The following ALMS1 variants were observed in gnomAD, a reference collection of about 807,000 sequenced individuals.
ALMS1 encodes the protein ALMS1 centrosome and basal body associated protein.
A neutral mutation model predicts 352.2 loss-of-function variants in ALMS1; 271 were observed. The observed-to-expected ratio is 0.77, with a 90% CI of 0.70 to 0.85. The LOEUF is 0.85. Among genes scored for constraint, ALMS1 ranks in the 40% least tolerant of loss-of-function variants. ALMS1 has a pLI of 0.00. For missense variants in ALMS1, 5,445 were observed against 4,870.7 expected (o/e 1.12, Z -3.51); for synonymous variants, 1,865 against 1,761.2 (o/e 1.06, Z -1.48).
chr2:73,410,893 A>C (rs988003360), intron 2 of ALMS1, among the ~76,000 whole-genome samples: 2 of 152,122 alleles, frequency 1.3e-5, no homozygotes, highest in Non-Finnish European at 2.9e-5. Flanking sequence ...TTTTCTTTAA[A>C]TTGCAGTGAT....
At chr2:73,396,359 T>C (rs1437178126) in intron 1 of ALMS1, among the ~76,000 whole-genome samples, 1 of 150,874 alleles carries the variant, frequency 6.6e-6, no homozygotes, top group African/African-American at 2.4e-5. Flanking sequence ...TTGTTTAGAG[T>C]TATTCCATCT....
At chr2:73,395,337 C>G (rs1670739681) in intron 1 of ALMS1, among the ~76,000 whole-genome samples, 1 of 151,594 alleles carries the variant, frequency 6.6e-6, no homozygotes, top group African/African-American at 2.4e-5. Flanking sequence ...CCTTGGCCTC[C>G]CAAAGTGCTG....
chr2:73,425,096 T>C (rs1393759127), intron 5 of ALMS1, among the ~76,000 whole-genome samples, 194 bp downstream of exon 5: 1 of 152,114 alleles, frequency 6.6e-6, no homozygotes, highest in Non-Finnish European at 1.5e-5. Flanking sequence ...CTCATCATCA[T>C]CATCATAAAA....
rs1215014741 is a variant in ALMS1, at chr2:73,490,856, T to C, written c.8897T>C (p.Leu2966Pro). The C allele has an allele frequency of 6.2e-7, 1 of 1,613,920 alleles. No individual in the cohort carries two copies. Among genetic ancestry groups the C allele is most frequent in the Non-Finnish European group, 8.5e-7 (1 of 1,179,996 alleles). Residue 2966 changes from leucine (L) to proline (P), a missense_variant, in exon 10 of 23, where the codon CTT (leucine) becomes CCT (proline). Leu to Pro is a moderately conservative substitution (Grantham distance 98). Transcript: ENST00000613296. ...IASDLPSPIS[L>P]EQCQSKAPGV... ...TCAGACCTTCCGTCTCCCATTTCTCTTGAACAATGCCAAAGCAAAGCGCCA... is the reference window on the plus strand; with the variant it reads ...TCAGACCTTCCGTCTCCCATTTCTCCTGAACAATGCCAAAGCAAAGCGCCA...
intron 17 of ALMS1, among the ~76,000 whole-genome samples, chr2:73,600,347 C>A (rs1040884361): frequency 5.3e-5 from 8 of 152,196 alleles, no homozygotes; most frequent in Non-Finnish European, 1.0e-4. Flanking sequence ...TCCTTACCTG[C>A]GTGACTACCA....
chr2:73,473,009 A>T (rs1672499278), intron 9 of ALMS1, among the ~76,000 whole-genome samples: 1 of 152,088 alleles, frequency 6.6e-6, no homozygotes, highest in Non-Finnish European at 1.5e-5. Context: ...GTTGAAAAGG[A>T]GATACGGGGT....
At chr2:73,474,633 C>T (rs1182678880) in intron 9 of ALMS1, among the ~76,000 whole-genome samples, 1 of 151,984 alleles carries the variant, frequency 6.6e-6, no homozygotes, top group African/African-American at 2.4e-5. Context: ...AGCCACTGCA[C>T]CTGGCTGATG....
At position 73,453,730 on chromosome 2, in the gene ALMS1, T is replaced by G; in HGVS notation, c.7203T>G (p.Asn2401Lys). 6.2e-7 allele frequency: 1 copy of G among 1,614,136 alleles called. No homozygotes were observed. The highest frequency in any genetic ancestry group is 8.5e-7 in the Non-Finnish European group (1 of 1,179,990). The change falls in exon 8 of 23, where the codon AAT becomes AAG. Residue 2401 changes from asparagine (N) to lysine (K), a missense_variant. Physicochemically the swap from Asn to Lys is moderately conservative, Grantham distance 94. Coordinates refer to ENST00000613296, the MANE Select transcript of ALMS1 (RefSeq NM_001378454.1). ...EPEGCSGTIGNKIIIPMMTVI... is the reference protein window; with the variant it reads ...EPEGCSGTIGKKIIIPMMTVI... Reference sequence around the variant, plus strand: ...AAGGGTGTAGTGGAACCATTGGGAATAAAATTATTATCCCTATGATGACTG... The same window carrying G: ...AAGGGTGTAGTGGAACCATTGGGAAGAAAATTATTATCCCTATGATGACTG...
At chr2:73,519,137 A>G (rs146268012) in intron 10 of ALMS1, among the ~76,000 whole-genome samples, 3 of 152,280 alleles carry the variant, frequency 2.0e-5, no homozygotes, top group East Asian at 3.9e-4. Context: ...CTTCCTTCTT[A>G]TACTCTGTTT....
chr2:73,460,740 T>G (rs1672174696), intron 9 of ALMS1, among the ~76,000 whole-genome samples: 2 of 152,216 alleles, frequency 1.3e-5, no homozygotes, highest in Non-Finnish European at 2.9e-5. Context: ...ACTCCCACAC[T>G]AATACTGCGC....
At chr2:73,540,961 A>G (rs1386528150) in intron 12 of ALMS1, among the ~76,000 whole-genome samples, 1 of 152,240 alleles carries the variant, frequency 6.6e-6, no homozygotes, top group Admixed American at 6.5e-5. Context: ...TAGACAGATC[A>G]ATGAGACAGA....
chr2:73,474,219 C>T (rs192621729), intron 9 of ALMS1, among the ~76,000 whole-genome samples: 2 of 151,930 alleles, frequency 1.3e-5, no homozygotes, highest in East Asian at 3.9e-4. Flanking sequence ...GCCGTAAATA[C>T]TGTGGTAATT....
intron 10 of ALMS1, among the ~76,000 whole-genome samples, chr2:73,502,478 C>T (rs569092391): frequency 6.6e-6 from 1 of 152,192 alleles, no homozygotes; most frequent in African/African-American, 2.4e-5. Context: ...ACATCTTGCC[C>T]TGTTCCCTAT....
At chr2:73,502,125 T>A (rs1269271273) in intron 10 of ALMS1, among the ~76,000 whole-genome samples, 3 of 152,144 alleles carry the variant, frequency 2.0e-5, no homozygotes, top group African/African-American at 4.8e-5. Context: ...ATTTTAATTT[T>A]AATTTATTAT....
chr2:73,524,489 T>C (rs1328860741), intron 11 of ALMS1, among the ~76,000 whole-genome samples: 1 of 152,170 alleles, frequency 6.6e-6, no homozygotes, highest in Non-Finnish European at 1.5e-5. Flanking sequence ...GGAGTCTTGC[T>C]CTGTCACCCA....
chr2:73,465,795 A>G (rs1672326616), intron 9 of ALMS1, among the ~76,000 whole-genome samples: 1 of 152,142 alleles, frequency 6.6e-6, no homozygotes, highest in African/African-American at 2.4e-5. Flanking sequence ...TTTACAAGAA[A>G]AAAACAACCC....
chr2:73,403,940 C>T (rs1396731594), intron 1 of ALMS1, among the ~76,000 whole-genome samples: 1 of 152,126 alleles, frequency 6.6e-6, no homozygotes, highest in Admixed American at 6.5e-5. Context: ...CACTCTGTTG[C>T]CCAGGGTGGA....
In ALMS1 at chr2:73,490,391, C is replaced by G. The variant is rs45595631; in HGVS notation, c.8432C>G (p.Pro2811Arg). Residue 2811 changes from proline (P) to arginine (R), a missense_variant, in exon 10 of 23, where the codon CCC (proline) becomes CGC (arginine). Physicochemically the swap from Pro to Arg is moderately radical, Grantham distance 103. Coordinates refer to ENST00000613296, the MANE Select transcript of ALMS1 (RefSeq NM_001378454.1). Reference protein sequence around the residue: ...DFERSFQEEKPLERSDFTGSH... With the variant: ...DFERSFQEEKRLERSDFTGSH... ...GAGCGTTCTTTTCAAGAAGAAAAACCCTTAGAAAGATCAGATTTTACAGGC... is the reference window on the plus strand; with the variant it reads ...GAGCGTTCTTTTCAAGAAGAAAAACGCTTAGAAAGATCAGATTTTACAGGC... 4 of 1,613,956 alleles carry G rather than the reference C, an allele frequency of 2.5e-6. No individual in the cohort carries two copies. The highest frequency in any genetic ancestry group is 1.7e-5 in the Admixed American group (1 of 60,022).
intron 16 of ALMS1, among the ~76,000 whole-genome samples, chr2:73,581,819 A>T (rs1320316135): frequency 6.6e-6 from 1 of 150,426 alleles, no homozygotes; most frequent in African/African-American, 2.4e-5. Flanking sequence ...ATCTCAGCTC[A>T]CTGCAACCTC....
Sources: gnomAD v4.1 joint callset for allele counts (sites outside exome capture counted in the v4.1 genomes callset) on GRCh38, gnomAD v4.1.1 for gene constraint, MANE v1.5 for transcripts, NCBI Gene and HGNC (gene_info 2026-07-23, HGNC 2026-07-21) for gene names.